The following ANKRD50 variants were observed in gnomAD, a reference collection of about 807,000 sequenced individuals.
ANKRD50 encodes the protein ankyrin repeat domain 50.
Under a neutral mutation model 112.0 loss-of-function variants are expected in ANKRD50, and 40 were observed. The observed-to-expected ratio is 0.36, with a 90% CI of 0.28 to 0.46. ANKRD50 has a LOEUF of 0.46. Among genes scored for constraint, ANKRD50 ranks in the 20% least tolerant of loss-of-function variants. The pLI, the probability that ANKRD50 is intolerant of heterozygous loss-of-function variation, is 1.00. For missense variants in ANKRD50, 1,487 were observed against 1,701.7 expected (o/e 0.87, Z 2.22); for synonymous variants, 613 against 619.1 (o/e 0.99, Z 0.15).
At chr4:124,700,560 G>C (rs190417228) in intron 2 of ANKRD50, among the ~76,000 whole-genome samples, 54 of 152,284 alleles carry the variant, frequency 3.5e-4, no homozygotes, top group African/African-American at 1.2e-3. Flanking sequence ...ATTGAATGTA[G>C]ATGACGAATG....
chr4:124,694,242 G>A (rs10026096), intron 2 of ANKRD50, among the ~76,000 whole-genome samples: 9 of 152,070 alleles, frequency 5.9e-5, no homozygotes, highest in Non-Finnish European at 1.3e-4. Flanking sequence ...CAGGAGTTTG[G>A]CCCAAATGTA....
In ANKRD50 at chr4:124,667,073, A is replaced by G. The variant is rs188247845; in HGVS notation, c.*445T>C. On this transcript the variant is annotated 3_prime_UTR_variant, in exon 5 of 5. Coordinates refer to ENST00000504087, the MANE Select transcript of ANKRD50 (RefSeq NM_020337.3). ...TAAAGATACAAGAAACAGGCCATAC[A>G]CTACAATGCAATGTGACTGAAACAG... 1 of 152,096 alleles carries G rather than the reference A, an allele frequency of 6.6e-6. No homozygotes were observed. The highest frequency in any genetic ancestry group is 6.6e-5 in the Admixed American group (1 of 15,244). The allele number at this position is 152,096 out of a possible 1,614,324, so 9.4% of individuals were successfully genotyped here. A position where few individuals can be genotyped will look rare whatever the true frequency, so the allele number is the denominator to read the frequency against.
At chr4:124,680,985 T>C (rs1198542144) in intron 2 of ANKRD50, among the ~76,000 whole-genome samples, 5 of 152,168 alleles carry the variant, frequency 3.3e-5, no homozygotes, top group Non-Finnish European at 5.9e-5. Context: ...AATTGTGGGC[T>C]TTGCTCTAAG....
In ANKRD50 at chr4:124,670,874, C is replaced by G. The variant is rs747379302; in HGVS notation, c.2403G>C (p.Leu801Phe). The change falls in exon 4 of 5, where the codon TTG (leucine) becomes TTC (phenylalanine). Residue 801 changes from leucine to phenylalanine, a missense_variant. Physicochemically the swap from Leu to Phe is conservative, Grantham distance 22 (BLOSUM62 0). Around this residue, in one of 2 missense-constraint regions of ANKRD50, gnomAD observed 1,046 missense variants for 1,269.5 expected, o/e 0.82. Coordinates refer to ENST00000504087, the MANE Select transcript of ANKRD50 (RefSeq NM_020337.3). ...TACTATCCACAGCTGCACCCCAAAACAAAAGTGTATTTACAACTGATGCAT... is the reference window on the plus strand; with the variant it reads ...TACTATCCACAGCTGCACCCCAAAAGAAAAGTGTATTTACAACTGATGCAT... ...MGHASVVNTL[L>F]FWGAAVDSID... 1.9e-6 allele frequency: 3 copies of G among 1,613,836 alleles called. No homozygotes were observed. Among genetic ancestry groups the G allele is most frequent in the Non-Finnish European group, 1.7e-6 (2 of 1,179,876 alleles).
chr4:124,671,998 A>C lies in ANKRD50; in HGVS notation c.1279T>G (p.Cys427Gly). Residue 427 changes from cysteine (C) to glycine (G), a missense_variant, in exon 4 of 5, where the codon TGT (cysteine) becomes GGT (glycine). Physicochemically the swap from Cys to Gly is radical, Grantham distance 159 (BLOSUM62 -3). This residue lies in a region of ANKRD50 where 1,046 missense variants were observed against 1,269.5 expected (regional missense o/e 0.82). Coordinates refer to ENST00000504087, the MANE Select transcript of ANKRD50 (RefSeq NM_020337.3). The part of the protein sequence containing the change: ...DVKHCTQKYL[C>G]NAAEGHRMLA... ...ATTCTGTGTCCTTCTGCTGCATTAC[A>C]TAAATACTTCTGAGTACAGTGTTTC... The C allele has an allele frequency of 6.2e-7, 1 of 1,613,948 alleles. No homozygotes were observed. Among genetic ancestry groups the C allele is most frequent in the South Asian group, 1.1e-5 (1 of 91,084 alleles).
chr4:124,695,158 C>T (rs62322101), intron 2 of ANKRD50, among the ~76,000 whole-genome samples: 1 of 151,922 alleles, frequency 6.6e-6, no homozygotes, highest in African/African-American at 2.4e-5. Flanking sequence ...ACTTCCATTG[C>T]AAGAACTAGA....
chr4:124,700,424 A>G (rs1309770547), intron 2 of ANKRD50, among the ~76,000 whole-genome samples: 2 of 152,210 alleles, frequency 1.3e-5, no homozygotes, highest in South Asian at 4.1e-4. Flanking sequence ...AATAACAACA[A>G]GAAGAGCAGT....
chr4:124,704,120 G>A (rs1221575497), intron 2 of ANKRD50, among the ~76,000 whole-genome samples: 1 of 152,184 alleles, frequency 6.6e-6, no homozygotes, highest in Non-Finnish European at 1.5e-5. Flanking sequence ...TCAGTGAAAG[G>A]TGATGATCTT....
At position 124,678,728 on chromosome 4, in the gene ANKRD50, C is replaced by T. The variant is rs1440153666; in HGVS notation, c.690G>A (p.Leu230=). The T allele has an allele frequency of 6.2e-7, 1 of 1,613,808 alleles. No individual in the cohort carries two copies. The highest frequency in any genetic ancestry group is 8.5e-7 in the Non-Finnish European group (1 of 1,179,790). The part of the protein sequence containing the change: ...GHHEFFPPWL[L]LLCSARKQSK... The stretch of plus-strand genomic sequence containing the variant: ...TCTGCTTTCGGGCAGAACAGAGAAG[C>T]AATAGCCATGGTGGAAAGAACTCAT... The change falls in exon 3 of 5, where the codon TTG becomes TTA. Residue 230 remains leucine, a synonymous_variant. Transcript: ENST00000504087.
At chr4:124,673,882 A>G (rs1302553464) in intron 3 of ANKRD50, among the ~76,000 whole-genome samples, 1 of 152,112 alleles carries the variant, frequency 6.6e-6, no homozygotes, top group Non-Finnish European at 1.5e-5. Flanking sequence ...ATATAAAAAT[A>G]GAATCTAATT....
At chr4:124,692,546 A>T (rs1275895607) in intron 2 of ANKRD50, among the ~76,000 whole-genome samples, 1 of 152,202 alleles carries the variant, frequency 6.6e-6, no homozygotes, top group Admixed American at 6.5e-5. Context: ...TCACTTTAAA[A>T]TCCTAACCCC....
chr4:124,681,761 C>A (rs146308073), intron 2 of ANKRD50, among the ~76,000 whole-genome samples: 1 of 152,238 alleles, frequency 6.6e-6, no homozygotes, highest in East Asian at 1.9e-4. Flanking sequence ...ATTTTCCATA[C>A]TTTCCTTCTC....
chr4:124,688,302 T>C (rs954563753), intron 2 of ANKRD50, among the ~76,000 whole-genome samples: 28 of 152,090 alleles, frequency 1.8e-4, no homozygotes, highest in African/African-American at 5.6e-4. Context: ...ACATGACACA[T>C]GGAAAAAGTA....
chr4:124,678,577 A>C (rs1284231522), intron 3 of ANKRD50, 99 bp downstream of exon 3: 1 of 1,059,662 alleles, frequency 9.4e-7, no homozygotes, highest in Non-Finnish European at 1.4e-6. Flanking sequence ...TAGAAGGAGC[A>C]AATGCAACAC....
chr4:124,710,410 C>A lies in ANKRD50; in HGVS notation c.102G>T (p.Gln34His). The A allele has an allele frequency of 1.2e-6, 2 of 1,614,212 alleles. No homozygotes were observed. The highest frequency in any genetic ancestry group is 1.7e-6 in the Non-Finnish European group (2 of 1,180,030). Reference sequence around the variant, plus strand: ...AGTTACTTTTCTCCTGGAGGCAATGCTGAAGCTTGTGGAAAACCCACTCCC... The same window carrying A: ...AGTTACTTTTCTCCTGGAGGCAATGATGAAGCTTGTGGAAAACCCACTCCC... ...YCREWVFHKL[Q>H]HCLQEKSNCC... The change falls in exon 2 of 5, where the codon CAG becomes CAT. Residue 34 changes from glutamine to histidine, a missense_variant. Gln to His is a conservative substitution (Grantham distance 24). Coordinates refer to ENST00000504087, the MANE Select transcript of ANKRD50 (RefSeq NM_020337.3).
chr4:124,694,145 T>C (rs1242135325), intron 2 of ANKRD50, among the ~76,000 whole-genome samples: 2 of 152,086 alleles, frequency 1.3e-5, no homozygotes. Context: ...GGCAATACAA[T>C]TAATACTTCC....
At chr4:124,703,544 T>C (rs1350090633) in intron 2 of ANKRD50, among the ~76,000 whole-genome samples, 1 of 152,098 alleles carries the variant, frequency 6.6e-6, no homozygotes, top group Non-Finnish European at 1.5e-5. Context: ...TATAGAATAA[T>C]AGAGCATGGT....
chr4:124,672,482 A>G lies in ANKRD50; in HGVS notation c.795T>C (p.Asp265=), dbSNP rs1560820124. 6.2e-7 allele frequency: 1 copy of G among 1,608,312 alleles called. No homozygotes were observed. Among genetic ancestry groups the G allele is most frequent in the Non-Finnish European group, 8.5e-7 (1 of 1,178,124 alleles). ...AACGATGAAGAATGTACTGCTGAAC[A>G]TCCTTGACGATATATGCCTTCCGAA... The part of the protein sequence containing the change: ...DDLRKAYIVK[D]VQQYILHRLD... Residue 265 remains aspartate, a synonymous_variant, in exon 4 of 5, where the codon GAT becomes GAC. Coordinates refer to ENST00000504087, the MANE Select transcript of ANKRD50 (RefSeq NM_020337.3).
At chr4:124,675,042 G>T (rs1052401302) in intron 3 of ANKRD50, among the ~76,000 whole-genome samples, 2 of 151,570 alleles carry the variant, frequency 1.3e-5, no homozygotes, top group South Asian at 4.1e-4. Context: ...ATAAGATAGG[G>T]CTGAAAAATA....
Sources: allele counts gnomAD v4.1 joint callset (sites outside exome capture counted in the v4.1 genomes callset), GRCh38; gene constraint gnomAD v4.1.1; regional missense constraint gnomAD v4.1.1; transcripts MANE v1.5; gene names NCBI Gene and HGNC (gene_info 2026-07-23, HGNC 2026-07-21).